The following SGCG variants were observed in gnomAD, a reference collection of about 807,000 sequenced individuals.
The protein encoded by SGCG is gamma-sarcoglycan.
SGCG carries 26 observed loss-of-function variants against 29.3 expected under a neutral mutation model. That is an observed-to-expected ratio of 0.89 (90% CI 0.65 to 1.23). The LOEUF (loss-of-function observed/expected upper bound fraction) is 1.23. Among genes scored for constraint, SGCG ranks in the 50% most tolerant of loss-of-function variants. The probability of loss-of-function intolerance (pLI) is 0.00; values close to 1 mark genes in which losing one functional copy is unlikely to be tolerated. For synonymous variants in SGCG, 145 were observed against 129.7 expected, an observed-to-expected ratio of 1.12 and a Z score of -0.80; for missense variants, 353 against 356.0, an observed-to-expected ratio of 0.99 and a Z score of 0.07.
At chr13:23,318,688 A>G (rs1040310321) in intron 6 of SGCG, among the ~76,000 whole-genome samples, 1 of 152,170 alleles carries the variant, frequency 6.6e-6, no homozygotes, top group African/African-American at 2.4e-5. Context: ...ATCTTATCTC[A>G]GCCTTTTGGT....
intron 2 of SGCG, among the ~76,000 whole-genome samples, chr13:23,225,841 A>G (rs1157972126): frequency 6.6e-6 from 1 of 151,768 alleles, no homozygotes; most frequent in Non-Finnish European, 1.5e-5. Flanking sequence ...TTCTGTGCCT[A>G]TCTATATATG....
In SGCG at chr13:23,218,063, AAC is replaced by A. The variant is rs1387975955; in HGVS notation, c.195+14176_195+14177del. On this transcript the variant is annotated intron_variant, in intron 2 of 7. Transcript: ENST00000218867. Reference sequence around the variant, plus strand: ...TTTCTGAAAGTTTGACAAATGCAACAACAGAGTTAAATAAGGAATAGAAGTAG... The same window carrying A: ...TTTCTGAAAGTTTGACAAATGCAACAAGAGTTAAATAAGGAATAGAAGTAG... 2.0e-5 allele frequency among the ~76,000 whole-genome samples: 3 copies of A among 152,332 alleles called. No homozygotes were observed. In the East Asian group the frequency reaches 5.8e-4, roughly 29 times the overall value.
chr13:23,219,011 A>G (rs1878546573), intron 2 of SGCG, among the ~76,000 whole-genome samples: 1 of 149,270 alleles, frequency 6.7e-6, no homozygotes, highest in Admixed American at 6.7e-5. Context: ...TTTAACAAAT[A>G]CTACATATAT....
At chr13:23,231,871 C>T (rs1368121013) in intron 2 of SGCG, among the ~76,000 whole-genome samples, 1 of 152,152 alleles carries the variant, frequency 6.6e-6, no homozygotes. Context: ...GTAATCCCAA[C>T]ATTTTGGGAA....
chr13:23,261,717 G>C (rs1880444829), intron 4 of SGCG, among the ~76,000 whole-genome samples: 1 of 151,984 alleles, frequency 6.6e-6, no homozygotes, highest in African/African-American at 2.4e-5. Flanking sequence ...CAAGCTATCT[G>C]AAGTCAATGT....
intron 1 of SGCG, among the ~76,000 whole-genome samples, chr13:23,202,976 T>C (rs924522482): frequency 6.6e-6 from 1 of 152,174 alleles, no homozygotes; most frequent in African/African-American, 2.4e-5. Flanking sequence ...TTTCTTTTTT[T>C]TGAGATGGAG....
At chr13:23,223,276 CAAAAAAA>C (rs10569811) in intron 2 of SGCG, among the ~76,000 whole-genome samples, 8 of 103,802 alleles carry the variant, frequency 7.7e-5, no homozygotes, top group Non-Finnish European at 1.1e-4. Flanking sequence ...GACTCTGTCA[CAAAAAAA>C]AAAAAAAAAA....
chr13:23,300,593 C>T (rs951628998), intron 6 of SGCG, among the ~76,000 whole-genome samples: 1 of 152,038 alleles, frequency 6.6e-6, no homozygotes, highest in African/African-American at 2.4e-5. Flanking sequence ...GAAATCATGA[C>T]CTGCAAGCCG....
chr13:23,181,301 C>T (rs1413952345), intron 1 of SGCG, among the ~76,000 whole-genome samples: 2 of 152,088 alleles, frequency 1.3e-5, no homozygotes, highest in Admixed American at 6.6e-5. Context: ...ATATTTTTAG[C>T]ATAATCCTAT....
chr13:23,247,707 A>T (rs1566015853), intron 3 of SGCG, among the ~76,000 whole-genome samples: 2 of 151,826 alleles, frequency 1.3e-5, no homozygotes, highest in Non-Finnish European at 2.9e-5. Context: ...GCACTTTGGG[A>T]CGCTGAGGCA....
At chr13:23,277,429 A>G (rs12871934) in intron 4 of SGCG, among the ~76,000 whole-genome samples, 12,892 of 151,932 alleles carry the variant, frequency 0.085, 720 homozygotes, top group South Asian at 0.15. Flanking sequence ...AAAAAAGGAG[A>G]TGTAACATAG....
intron 6 of SGCG, among the ~76,000 whole-genome samples, chr13:23,319,506 T>C (rs898327112): frequency 6.6e-6 from 1 of 152,058 alleles, no homozygotes; most frequent in African/African-American, 2.4e-5. Flanking sequence ...CTATAACAAA[T>C]AGTCATAGAT....
At chr13:23,197,963 C>T (rs1356766388) in intron 1 of SGCG, among the ~76,000 whole-genome samples, 4 of 146,342 alleles carry the variant, frequency 2.7e-5, no homozygotes, top group South Asian at 2.1e-4. Context: ...AAAAAAAAGA[C>T]GTAACACTGA....
chr13:23,192,580 G>A (rs1015318441), intron 1 of SGCG, among the ~76,000 whole-genome samples: 30 of 152,056 alleles, frequency 2.0e-4, no homozygotes, highest in African/African-American at 6.7e-4. Flanking sequence ...ATTTTTAGTA[G>A]AGACGGGGTT....
At chr13:23,172,758 G>A in the SGCG span, among the ~76,000 whole-genome samples, 10 of 152,342 alleles carry the variant, frequency 6.6e-5, no homozygotes, top group African/African-American at 2.2e-4. Flanking sequence ...TTAGTATCAA[G>A]TGATGGATGA....
At position 23,241,085 on chromosome 13, in the gene SGCG, C is replaced by A. The variant is rs112992563; in HGVS notation, c.297+6373C>A. On this transcript the variant is annotated intron_variant, in intron 3 of 7. Transcript: ENST00000218867. ...AATGGCATGAACCCAGGAGTCAGAA[C>A]TTGCAATGAGCCAAGATCACACCAC... Among the ~76,000 whole-genome samples, 262 of 146,636 alleles carry A rather than the reference C, an allele frequency of 1.8e-3. 1 individual carries two copies. The highest frequency in any genetic ancestry group is 6.1e-3 in the African/African-American group (243 of 39,910).
Position 23,305,514 on chromosome 13 carries a change from T to A in SGCG, c.578+10027T>A, listed in dbSNP as rs943985805. ...TATTTTCCAAGTATAATATCTCTAATCAATTTCTCTTGGCTAATTGGATTT... is the reference window on the plus strand; with the variant it reads ...TATTTTCCAAGTATAATATCTCTAAACAATTTCTCTTGGCTAATTGGATTT... On this transcript the variant is annotated intron_variant, in intron 6 of 7. Coordinates refer to ENST00000218867, the MANE Select transcript of SGCG (RefSeq NM_000231.3). 2.0e-5 allele frequency among the ~76,000 whole-genome samples: 3 copies of A among 152,226 alleles called. No individual in the cohort carries two copies. The East Asian group carries it at 5.8e-4, about 29-fold the overall frequency.
chr13:23,205,995 G>C (rs1033918891), intron 2 of SGCG, among the ~76,000 whole-genome samples: 1 of 152,170 alleles, frequency 6.6e-6, no homozygotes, highest in Non-Finnish European at 1.5e-5. Flanking sequence ...TCTCAATGTG[G>C]AATGACATAA....
chr13:23,273,356 T>G (rs1276909067), intron 4 of SGCG, among the ~76,000 whole-genome samples: 2 of 152,172 alleles, frequency 1.3e-5, no homozygotes, highest in Non-Finnish European at 2.9e-5. Context: ...AGCTAATTTT[T>G]GTATTTTTAG....
Sources: allele counts gnomAD v4.1 joint callset (sites outside exome capture counted in the v4.1 genomes callset), GRCh38; gene constraint gnomAD v4.1.1; transcripts MANE v1.5; gene names NCBI Gene and HGNC (gene_info 2026-07-23, HGNC 2026-07-21).